The following TRPM3 variants were observed in gnomAD, a reference collection of about 807,000 sequenced individuals.
TRPM3 encodes long transient receptor potential channel 3.
Under a neutral mutation model 181.2 loss-of-function variants are expected in TRPM3, and 77 were observed. That is an observed-to-expected ratio of 0.42 (90% CI 0.35 to 0.51). The LOEUF is 0.51. Ranked by LOEUF, TRPM3 falls within the 20% of genes least tolerant of loss-of-function variation. The probability of loss-of-function intolerance (pLI) is 0.01; values close to 1 mark genes in which losing one functional copy is unlikely to be tolerated. For synonymous variants in TRPM3, 745 were observed against 796.4 expected (o/e 0.94, Z 1.09); for missense variants, 1,759 against 2,196.7 (o/e 0.80, Z 3.98).
chr9:70,893,433 C>A (rs967550807), intron 1 of TRPM3, among the ~76,000 whole-genome samples: 2 of 152,100 alleles, frequency 1.3e-5, no homozygotes, highest in Non-Finnish European at 2.9e-5. Flanking sequence ...GTAAGAAGCT[C>A]TTTATAAATG....
At chr9:70,613,289 G>T (rs886920345) in intron 18 of TRPM3, among the ~76,000 whole-genome samples, 1 of 152,202 alleles carries the variant, frequency 6.6e-6, no homozygotes, top group Non-Finnish European at 1.5e-5. Context: ...TGCACAGCAT[G>T]ATTTGAGAAT....
intron 1 of TRPM3, among the ~76,000 whole-genome samples, chr9:71,253,310 T>C (rs1196851226): frequency 1.3e-5 from 2 of 152,188 alleles, no homozygotes; most frequent in Non-Finnish European, 2.9e-5. Flanking sequence ...CCATGCATTA[T>C]GGCTTAGGTC....
At chr9:70,931,604 A>G (rs954696314) in intron 1 of TRPM3, among the ~76,000 whole-genome samples, 13 of 151,538 alleles carry the variant, frequency 8.6e-5, no homozygotes, top group African/African-American at 2.9e-4. Context: ...TTTTTTTTGT[A>G]CTATAATTCT....
At chr9:70,988,908 C>T (rs576022648) in intron 1 of TRPM3, among the ~76,000 whole-genome samples, 93 of 152,256 alleles carry the variant, frequency 6.1e-4, no homozygotes, top group Admixed American at 1.9e-3. Context: ...CCTTTCCACA[C>T]TACTTGGAAA....
intron 1 of TRPM3, among the ~76,000 whole-genome samples, chr9:71,309,824 T>G (rs189013955): frequency 6.6e-6 from 1 of 152,064 alleles, no homozygotes; most frequent in Non-Finnish European, 1.5e-5. Context: ...TTGACAAAAA[T>G]CACAGAATAA....
intron 1 of TRPM3, among the ~76,000 whole-genome samples, chr9:70,964,673 C>A (rs2097168903): frequency 1.3e-5 from 2 of 152,076 alleles, no homozygotes; most frequent in Non-Finnish European, 2.9e-5. Flanking sequence ...GGTGTGACTC[C>A]TGTCCTTGAC....
At chr9:70,934,376 T>C (rs1190612223) in intron 1 of TRPM3, among the ~76,000 whole-genome samples, 2 of 152,274 alleles carry the variant, frequency 1.3e-5, no homozygotes, top group East Asian at 3.9e-4. Flanking sequence ...ATGTGACTGT[T>C]ATGTGGTAAA....
intron 8 of TRPM3, among the ~76,000 whole-genome samples, chr9:70,756,404 C>T (rs1356419178): frequency 2.6e-5 from 4 of 152,090 alleles, no homozygotes; most frequent in African/African-American, 9.7e-5. Context: ...GAGATTTTAA[C>T]ACCCCCATTG....
rs563484276 is a variant in TRPM3, at chr9:71,044,923, G to A, written c.177+76255C>T. Among the ~76,000 whole-genome samples, 22 of 152,026 alleles carry A rather than the reference G, an allele frequency of 1.4e-4. No individual in the cohort carries two copies. The East Asian group carries it at 4.1e-3, about 28-fold the overall frequency. On this transcript the variant is annotated intron_variant, in intron 1 of 25. Transcript: ENST00000677713. ...CCTGACCTCGTGATCCACCCGCCTCGGCCTCCCAAAGTGCTGGGATTACAA... is the reference window on the plus strand; with the variant it reads ...CCTGACCTCGTGATCCACCCGCCTCAGCCTCCCAAAGTGCTGGGATTACAA...
At chr9:70,743,022 A>G (rs771656886) in intron 8 of TRPM3, among the ~76,000 whole-genome samples, 8 of 152,172 alleles carry the variant, frequency 5.3e-5, no homozygotes, top group Non-Finnish European at 1.2e-4. Flanking sequence ...CAGCCTTCAC[A>G]CTATATCTGG....
At chr9:71,065,449 A>G (rs1281867780) in intron 1 of TRPM3, among the ~76,000 whole-genome samples, 1 of 152,148 alleles carries the variant, frequency 6.6e-6, no homozygotes, top group Non-Finnish European at 1.5e-5. Context: ...CGGGAGAGTT[A>G]AGGGACCATC....
At chr9:71,271,114 G>A (rs539138860) in intron 1 of TRPM3, among the ~76,000 whole-genome samples, 2 of 152,146 alleles carry the variant, frequency 1.3e-5, no homozygotes, top group South Asian at 4.1e-4. Context: ...GCTAATTTTG[G>A]GAATAATTTG....
chr9:70,861,460 G>A (rs568480171), intron 3 of TRPM3, among the ~76,000 whole-genome samples: 24 of 152,240 alleles, frequency 1.6e-4, no homozygotes, highest in African/African-American at 2.6e-4. Context: ...CTAATGACAC[G>A]AGGCTTGCAG....
At chr9:71,353,593 T>C (rs2091762544) in intron 1 of TRPM3, among the ~76,000 whole-genome samples, 1 of 152,188 alleles carries the variant, frequency 6.6e-6, no homozygotes, top group Admixed American at 6.5e-5. Flanking sequence ...GCCAAAATTG[T>C]ATAAAGATTA....
chr9:70,929,167 CT>C (rs199515595), intron 1 of TRPM3, among the ~76,000 whole-genome samples: 1,591 of 140,992 alleles, frequency 0.011, 13 homozygotes, highest in South Asian at 0.029. Flanking sequence ...TAAACATTGA[CT>C]TTTTTTTTTT....
At chr9:70,801,094 G>A (rs774455978) in intron 6 of TRPM3, among the ~76,000 whole-genome samples, 42 of 152,096 alleles carry the variant, frequency 2.8e-4, no homozygotes, top group Non-Finnish European at 1.9e-4. Context: ...GCAAGTGAAG[G>A]GGTCATTATT....
At position 70,793,469 on chromosome 9, in the gene TRPM3, AATAT is replaced by A. The variant is rs59366619; in HGVS notation, c.974-9194_974-9191del. On this transcript the variant is annotated intron_variant, in intron 6 of 25. Coordinates refer to ENST00000677713, the MANE Select transcript of TRPM3 (RefSeq NM_001366145.2). ...AGGCTTTGTCTCAAAAAAAAAAAAA[AATAT>A]ATATATATATATATATATAAAACAC... 811 of 123,150 alleles carry A rather than the reference AATAT, an allele frequency of 6.6e-3. 42 individuals carry two copies. Among genetic ancestry groups the A allele is most frequent in the Middle Eastern group, 0.051 (11 of 214 alleles). The allele number at this position is 123,150 out of a possible 1,614,324, so 7.6% of individuals were successfully genotyped here.
intron 14 of TRPM3, among the ~76,000 whole-genome samples, chr9:70,624,223 T>C (rs1054339052): frequency 1.9e-4 from 29 of 152,216 alleles, no homozygotes; most frequent in African/African-American, 6.8e-4. Context: ...CCATGACCAA[T>C]CTATGATGTT....
intron 19 of TRPM3, 22 bp from the exon 20 acceptor site, chr9:70,603,492 T>C (rs757935628): frequency 1.9e-6 from 3 of 1,612,118 alleles, no homozygotes; most frequent in Middle Eastern, 1.7e-4. Flanking sequence ...CACAATACAG[T>C]GCTCTGGCTG....
Sources: gnomAD v4.1 joint callset for allele counts (sites outside exome capture counted in the v4.1 genomes callset) on GRCh38, gnomAD v4.1.1 for gene constraint, MANE v1.5 for transcripts, NCBI Gene and HGNC (gene_info 2026-07-23, HGNC 2026-07-21) for gene names.